Variants in CCDC178 observed in about 807,000 individuals in gnomAD.
CCDC178 encodes coiled-coil domain containing 178.
A neutral mutation model predicts 117.4 loss-of-function variants in CCDC178; 126 were observed. That is an observed-to-expected ratio of 1.07 (90% CI 0.93 to 1.24). CCDC178 has a LOEUF of 1.24. CCDC178 is among the 50% of genes most tolerant of loss of function. The probability of loss-of-function intolerance (pLI) is 0.00; values close to 1 mark genes in which losing one functional copy is unlikely to be tolerated. For missense variants in CCDC178, 1,030 were observed against 986.9 expected (o/e 1.04, Z -0.59); for synonymous variants, 283 against 313.4 (o/e 0.90, Z 1.02).
At chr18:33,394,949 A>ATATATATATATATATATGTG (rs2063613845) in intron 4 of CCDC178, among the ~76,000 whole-genome samples, 1 of 75,950 alleles carries the variant, frequency 1.3e-5, no homozygotes, top group African/African-American at 5.3e-5. Flanking sequence ...ATGTGTATAT[A>ATATATATATATATATATGTG]TATATATATA....
At chr18:33,314,374 G>A (rs1012796149) in intron 11 of CCDC178, among the ~76,000 whole-genome samples, 10 of 151,978 alleles carry the variant, frequency 6.6e-5, no homozygotes, top group Non-Finnish European at 7.4e-5. Flanking sequence ...CACAGTCTTC[G>A]GGTAAAGTAA....
At chr18:33,343,984 A>T (rs1055717796) in intron 9 of CCDC178, among the ~76,000 whole-genome samples, 2 of 152,162 alleles carry the variant, frequency 1.3e-5, no homozygotes, top group Non-Finnish European at 2.9e-5. Flanking sequence ...CCTGAAAGGA[A>T]TATGTTTCAA....
At chr18:33,091,089 C>T (rs917159098) in intron 21 of CCDC178, among the ~76,000 whole-genome samples, 3 of 151,954 alleles carry the variant, frequency 2.0e-5, no homozygotes, top group Non-Finnish European at 4.4e-5. Context: ...TGCTCCCCCC[C>T]GATTAGAAAA....
intron 15 of CCDC178, among the ~76,000 whole-genome samples, chr18:33,238,661 G>C (rs1406812867): frequency 6.6e-6 from 1 of 152,082 alleles, no homozygotes; most frequent in Non-Finnish European, 1.5e-5. Flanking sequence ...ACATACATTT[G>C]TATTATGGGC....
At chr18:33,036,706 A>C (rs2144879428) in intron 21 of CCDC178, among the ~76,000 whole-genome samples, 1 of 152,116 alleles carries the variant, frequency 6.6e-6, no homozygotes, top group South Asian at 2.1e-4. Flanking sequence ...GCTCAAAATA[A>C]GGAGGAGAGT....
At chr18:33,152,977 G>A (rs564149422) in intron 20 of CCDC178, among the ~76,000 whole-genome samples, 9 of 146,794 alleles carry the variant, frequency 6.1e-5, no homozygotes, top group African/African-American at 2.0e-4. Context: ...AGGCACTGTC[G>A]AAGAAAAAAC....
chr18:33,138,547 A>T (rs918887928), intron 20 of CCDC178, among the ~76,000 whole-genome samples: 2 of 152,196 alleles, frequency 1.3e-5, no homozygotes, highest in African/African-American at 4.8e-5. Context: ...GTGATATTCA[A>T]CTAGTTACCC....
intron 21 of CCDC178, among the ~76,000 whole-genome samples, chr18:33,079,271 T>C (rs1169910345): frequency 6.6e-6 from 1 of 152,074 alleles, no homozygotes; most frequent in African/African-American, 2.4e-5. Flanking sequence ...TATACAAAAA[T>C]GGACTCAAGA....
intron 9 of CCDC178, among the ~76,000 whole-genome samples, chr18:33,342,534 C>A (rs988520274): frequency 3.9e-5 from 6 of 152,136 alleles, no homozygotes; most frequent in African/African-American, 1.4e-4. Context: ...TGAAGGTATG[C>A]CAGTTCCAAG....
intron 21 of CCDC178, among the ~76,000 whole-genome samples, chr18:32,977,424 G>A (rs1322906011): frequency 6.6e-6 from 1 of 152,140 alleles, no homozygotes; most frequent in South Asian, 2.1e-4. Flanking sequence ...AGATATGCTT[G>A]TTAGACATTA....
chr18:33,405,833 T>G (rs572444900), intron 3 of CCDC178, among the ~76,000 whole-genome samples: 1 of 152,184 alleles, frequency 6.6e-6, no homozygotes, highest in South Asian at 2.1e-4. Context: ...CTTATGTACT[T>G]ATGCTCTGAC....
chr18:33,183,725 C>A (rs1202567215), intron 20 of CCDC178, among the ~76,000 whole-genome samples: 2 of 151,954 alleles, frequency 1.3e-5, no homozygotes, highest in African/African-American at 4.8e-5. Flanking sequence ...CTGCTCCCCC[C>A]ACACAGAAGC....
chr18:33,130,367 C>T (rs1468203968), intron 20 of CCDC178, among the ~76,000 whole-genome samples: 2 of 151,978 alleles, frequency 1.3e-5, no homozygotes, highest in African/African-American at 2.4e-5. Flanking sequence ...TTTTTGTCCC[C>T]ATTTTATTGC....
At chr18:33,369,756 T>TA (rs1287966241) in intron 6 of CCDC178, among the ~76,000 whole-genome samples, 2 of 151,982 alleles carry the variant, frequency 1.3e-5, no homozygotes, top group African/African-American at 2.4e-5. Context: ...AAATACTACT[T>TA]AATTTACTAG....
At chr18:32,996,843 TATTATAAAGAG>T (rs1278752197) in intron 21 of CCDC178, among the ~76,000 whole-genome samples, 4 of 152,076 alleles carry the variant, frequency 2.6e-5, no homozygotes, top group African/African-American at 7.2e-5. Flanking sequence ...GTGACACATG[TATTATAAAGAG>T]ATCATATAAA....
At chr18:33,384,344 A>C (rs2144804704) in intron 5 of CCDC178, among the ~76,000 whole-genome samples, 1 of 152,228 alleles carries the variant, frequency 6.6e-6, no homozygotes, top group Middle Eastern at 3.4e-3. Flanking sequence ...CCAATTTTCA[A>C]ATTCAGGAAA....
chr18:33,335,409 G>A (rs2062726301), intron 9 of CCDC178, among the ~76,000 whole-genome samples: 1 of 151,864 alleles, frequency 6.6e-6, no homozygotes. Flanking sequence ...CAATTAGACA[G>A]TTAGATTTTT....
chr18:32,959,625 C>T (rs1318024454), intron 22 of CCDC178, among the ~76,000 whole-genome samples: 5 of 151,758 alleles, frequency 3.3e-5, no homozygotes, highest in Non-Finnish European at 5.9e-5. Flanking sequence ...GTTATAACTG[C>T]ACTGTTCATT....
Position 33,332,197 on chromosome 18 carries a change from C to T in CCDC178, c.879+977G>A, listed in dbSNP as rs750900862. On this transcript the variant is annotated intron_variant, in intron 10 of 22. Transcript: ENST00000383096. ...ACTATGTATTGTTTATTAACACACA[C>T]GCATATATATAATTACACAAATTTG... Among the ~76,000 whole-genome samples, 7 of 151,940 alleles carry T rather than the reference C, an allele frequency of 4.6e-5. No individual in the cohort carries two copies. The South Asian group carries it at 8.3e-4, about 18-fold the overall frequency.
Sources: gnomAD v4.1 joint callset for allele counts (sites outside exome capture counted in the v4.1 genomes callset) on GRCh38, gnomAD v4.1.1 for gene constraint, MANE v1.5 for transcripts, NCBI Gene and HGNC (gene_info 2026-07-23, HGNC 2026-07-21) for gene names.